Variants in PDS5A observed in about 807,000 individuals in gnomAD.
The protein encoded by PDS5A is sister chromatid cohesion protein PDS5 homolog A.
A neutral mutation model predicts 167.1 loss-of-function variants in PDS5A; 42 were observed. The observed-to-expected ratio is 0.25, with a 90% CI of 0.20 to 0.33. The LOEUF is 0.33. Ranked by LOEUF, PDS5A falls within the 10% of genes least tolerant of loss-of-function variation. PDS5A has a pLI of 1.00. For missense variants in PDS5A, 1,033 were observed against 1,605.9 expected (o/e 0.64, Z 6.10); for synonymous variants, 553 against 554.6 (o/e 1.00, Z 0.04).
intron 7 of PDS5A, among the ~76,000 whole-genome samples, chr4:39,917,984 C>G (rs1378322459): frequency 6.6e-6 from 1 of 151,978 alleles, no homozygotes; most frequent in East Asian, 1.9e-4. Flanking sequence ...TGGAGACCAG[C>G]CTGGGCAACA....
chr4:39,974,767 G>A (rs1040778090), intron 2 of PDS5A, among the ~76,000 whole-genome samples: 25 of 151,958 alleles, frequency 1.6e-4, no homozygotes, highest in African/African-American at 5.6e-4. Flanking sequence ...TCGGCCTCCC[G>A]AAGTGCTGGG....
intron 2 of PDS5A, chr4:39,973,253 T>C: frequency 2.1e-6 from 3 of 1,409,586 alleles, no homozygotes; most frequent in South Asian, 1.2e-5. Flanking sequence ...CTCGAGCATA[T>C]GAACATTTGC....
At chr4:39,828,938 G>A (rs1038341400) in intron 32 of PDS5A, among the ~76,000 whole-genome samples, 1 of 152,200 alleles carries the variant, frequency 6.6e-6, no homozygotes, top group Non-Finnish European at 1.5e-5. Context: ...GGCACCTGGA[G>A]TTAGAATGCA....
intron 28 of PDS5A, chr4:39,847,239 A>G (rs1247915273): frequency 1.3e-5 from 2 of 152,112 alleles, no homozygotes; most frequent in Non-Finnish European, 2.9e-5. Flanking sequence ...TGTTACATAG[A>G]TTCTATTTGG....
intron 21 of PDS5A, among the ~76,000 whole-genome samples, chr4:39,872,325 G>A (rs1353995744): frequency 2.6e-5 from 4 of 151,492 alleles, no homozygotes; most frequent in South Asian, 2.1e-4. Flanking sequence ...TACAGCTGCC[G>A]TCACCACACC....
intron 18 of PDS5A, 77 bp downstream of exon 18, chr4:39,879,651 G>T: frequency 2.6e-6 from 2 of 756,330 alleles, no homozygotes; most frequent in South Asian, 3.2e-5. Context: ...AAATAAGCCT[G>T]ACTCTTGCAT....
At chr4:39,908,710 A>T (rs1723607801) in intron 10 of PDS5A, 170 bp from the exon 11 acceptor site, 1 of 584,882 alleles carries the variant, frequency 1.7e-6, no homozygotes, top group African/African-American at 1.9e-5. Context: ...ACTCTACTGT[A>T]ATCACAAAAC....
chr4:39,972,849 T>C (rs1440563149), intron 2 of PDS5A, among the ~76,000 whole-genome samples: 1 of 152,086 alleles, frequency 6.6e-6, no homozygotes. Flanking sequence ...TTGCTGAAAA[T>C]TATTTTTCCC....
chr4:39,975,904 A>C (rs1236022564), intron 2 of PDS5A, among the ~76,000 whole-genome samples: 2 of 152,208 alleles, frequency 1.3e-5, no homozygotes, highest in Non-Finnish European at 2.9e-5. Context: ...CCTCATAAAA[A>C]GGGCCATAAT....
chr4:39,973,959 C>T, intron 2 of PDS5A: 1 of 516,402 alleles, frequency 1.9e-6, no homozygotes, highest in Non-Finnish European at 3.6e-6. Flanking sequence ...CCCGTCTCTA[C>T]TAAAAAAATA....
At chr4:39,929,818 T>A (rs1725842412) in intron 2 of PDS5A, among the ~76,000 whole-genome samples, 1 of 150,972 alleles carries the variant, frequency 6.6e-6, no homozygotes, top group Admixed American at 6.6e-5. Flanking sequence ...CGATCTCAGC[T>A]CATTGCAACC....
intron 16 of PDS5A, among the ~76,000 whole-genome samples, chr4:39,890,649 ACT>A (rs1362112782): frequency 6.6e-6 from 1 of 152,004 alleles, no homozygotes; most frequent in African/African-American, 2.4e-5. Context: ...GACGAGTCTA[ACT>A]CTGTCACCAG....
intron 32 of PDS5A, among the ~76,000 whole-genome samples, chr4:39,835,140 A>G (rs891912506): frequency 9.2e-5 from 14 of 152,192 alleles, no homozygotes; most frequent in Non-Finnish European, 1.5e-4. Context: ...GGCTTTCACC[A>G]TATTGGTCAG....
At chr4:39,914,158 A>ATTTTTTTTTTTTTTTTT (rs1560478626) in intron 8 of PDS5A, among the ~76,000 whole-genome samples, 1 of 133,348 alleles carries the variant, frequency 7.5e-6, no homozygotes. Flanking sequence ...TGATATACAA[A>ATTTTTTTTTTTTTTTTT]TTTGTTTTTT....
intron 32 of PDS5A, among the ~76,000 whole-genome samples, chr4:39,833,191 C>CAAAA (rs1166233113): frequency 0.013 from 502 of 37,848 alleles, 56 homozygotes; most frequent in East Asian, 0.017. Flanking sequence ...AACTCCGTCT[C>CAAAA]AAAAAAAAAA....
At chr4:39,921,473 T>C (rs1289079716) in intron 6 of PDS5A, among the ~76,000 whole-genome samples, 3 of 151,882 alleles carry the variant, frequency 2.0e-5, no homozygotes, top group Non-Finnish European at 4.4e-5. Context: ...TGGTTGCTCA[T>C]GCCTGTAATC....
At chr4:39,922,852 C>A in intron 5 of PDS5A, 104 bp from the exon 6 acceptor site, 1 of 1,260,962 alleles carries the variant, frequency 7.9e-7, no homozygotes, top group Non-Finnish European at 1.0e-6. Flanking sequence ...AACAATCTCA[C>A]ATGTAAAGGA....
At chr4:39,957,155 T>C (rs919219820) in intron 2 of PDS5A, among the ~76,000 whole-genome samples, 3 of 152,138 alleles carry the variant, frequency 2.0e-5, no homozygotes, top group African/African-American at 4.8e-5. Context: ...TTTGAAGTTA[T>C]AGGATAATTA....
chr4:39,846,047 C>T lies in PDS5A; in HGVS notation c.3340-167G>A, dbSNP rs1717562404. The T allele has an allele frequency of 5.2e-6, 3 of 582,474 alleles. No individual in the cohort carries two copies. In the African/African-American group the frequency reaches 5.8e-5, roughly 11 times the overall value. 36.1% of individuals were successfully genotyped at this position (582,474 alleles called of 1,614,324 possible). The stretch of plus-strand genomic sequence containing the variant: ...AACAATCAAAACAATCAAAGCCATA[C>T]CATAAGTCTAGCTTTAAATTAAACT... On this transcript the variant is annotated intron_variant, in intron 28 of 32. Coordinates refer to ENST00000303538, the MANE Select transcript of PDS5A (RefSeq NM_001100399.2).
Sources: gnomAD v4.1 joint callset for allele counts (sites outside exome capture counted in the v4.1 genomes callset) on GRCh38, gnomAD v4.1.1 for gene constraint, MANE v1.5 for transcripts, NCBI Gene and HGNC (gene_info 2026-07-23, HGNC 2026-07-21) for gene names.